Variants in RIF1 observed in about 807,000 individuals in gnomAD.
RIF1 encodes the protein telomere-associated protein RIF1.
RIF1 carries 45 observed loss-of-function variants against 247.1 expected under a neutral mutation model. The observed-to-expected ratio is 0.18, with a 90% CI of 0.14 to 0.23. The LOEUF (loss-of-function observed/expected upper bound fraction) is 0.23. Among genes scored for constraint, RIF1 ranks in the 10% least tolerant of loss-of-function variants. RIF1 has a pLI of 1.00. For synonymous variants in RIF1, 1,087 were observed against 978.8 expected (o/e 1.11, Z -2.06); for missense variants, 2,967 against 2,862.5 (o/e 1.04, Z -0.83).
Position 151,471,832 on chromosome 2 carries a change from C to A in RIF1, c.7095+1968C>A, listed in dbSNP as rs142172785. Among the ~76,000 whole-genome samples the A allele has an allele frequency of 2.3e-3, 356 of 152,150 alleles. 9 individuals carry two copies. The East Asian group carries it at 0.046, about 20-fold the overall frequency. On this transcript the variant is annotated intron_variant, in intron 34 of 35. Coordinates refer to ENST00000444746, the MANE Select transcript of RIF1 (RefSeq NM_018151.5). ...GTCTCCAGCTTTGTCTTTTTTGCTT[C>A]TGATTGACTTGGCAATGCGGGCTCT...
the RIF1 span, among the ~76,000 whole-genome samples, chr2:151,526,414 G>GT: frequency 6.6e-6 from 1 of 152,112 alleles, no homozygotes; most frequent in Admixed American, 6.5e-5. Flanking sequence ...ATTCAAAAGG[G>GT]TTTTTTCCTT....
chr2:151,487,359 A>G (rs981267036), intron 9 of RIF1, among the ~76,000 whole-genome samples: 1 of 152,192 alleles, frequency 6.6e-6, no homozygotes, highest in Admixed American at 6.5e-5. Context: ...TGTAACCTAT[A>G]TGGTTTTTTC....
At chr2:151,507,937 T>G in exon 14 of RIF1, 2 of 1,116,446 alleles carry the variant, frequency 1.8e-6, no homozygotes, top group Non-Finnish European at 2.7e-6. Flanking sequence ...GCCTGGGATA[T>G]CCAGAGGCAT....
chr2:151,531,648 G>A, the RIF1 span: 1 of 675,942 alleles, frequency 1.5e-6, no homozygotes, highest in East Asian at 2.7e-5. Flanking sequence ...GGAGAATCCT[G>A]TGCATAACAG....
rs751491731 is a variant in RIF1 at position 151,451,631 on chromosome 2, T to C, written c.2270T>C (p.Ile757Thr). The change falls in exon 21 of 36, where the codon ATT (isoleucine) becomes ACT (threonine). Residue 757 changes from isoleucine to threonine, a missense_variant. By Grantham distance (89) the Ile-to-Thr change is moderately conservative. Around this residue, in one of 7 missense-constraint regions of RIF1, gnomAD observed 2,028 missense variants for 1,825.6 expected, o/e 1.11. Coordinates refer to ENST00000444746, the MANE Select transcript of RIF1 (RefSeq NM_018151.5). Reference protein sequence around the residue: ...FSNLLFVDRIIYIITVMVDCI... With the variant: ...FSNLLFVDRITYIITVMVDCI... ...AATTTGTTGTTCGTGGATAGAATTA[T>C]TTATATTATTACTGTAATGGTTGAT... 5 of 1,462,402 alleles carry C rather than the reference T, an allele frequency of 3.4e-6. No individual in the cohort carries two copies. In the Admixed American group the frequency reaches 6.7e-5, roughly 20 times the overall value. 90.6% of individuals were successfully genotyped at this position (1,462,402 alleles called of 1,614,324 possible).
chr2:151,468,296 A>T, intron 31 of RIF1, 150 bp downstream of exon 31: 1 of 904,846 alleles, frequency 1.1e-6, no homozygotes, highest in Admixed American at 2.8e-5. Context: ...GCAGAAAGGA[A>T]GAGAAGCAGA....
At chr2:151,530,381 G>GCTCTTCT in the RIF1 span, among the ~76,000 whole-genome samples, 1 of 152,092 alleles carries the variant, frequency 6.6e-6, no homozygotes, top group Non-Finnish European at 1.5e-5. Context: ...AAATTTCAGG[G>GCTCTTCT]TCGAGGGCCT....
chr2:151,452,565 A>G (rs1364158055), intron 21 of RIF1, among the ~76,000 whole-genome samples: 1 of 152,212 alleles, frequency 6.6e-6, no homozygotes, highest in Non-Finnish European at 1.5e-5. Context: ...TAAGCTCCTG[A>G]AGTATATTAT....
chr2:151,445,923 T>C (rs1369922167), intron 19 of RIF1, among the ~76,000 whole-genome samples: 1 of 152,192 alleles, frequency 6.6e-6, no homozygotes, highest in East Asian at 1.9e-4. Flanking sequence ...TTCTTTTGGA[T>C]CTTTGATAAT....
exon 13 of RIF1, chr2:151,506,339 G>A: frequency 9.4e-7 from 1 of 1,059,418 alleles, no homozygotes; most frequent in Non-Finnish European, 1.4e-6. Context: ...AGGACACATG[G>A]CTTTTGTGAA....
At position 151,480,239 on chromosome 2, in the gene RIF1, A is replaced by T. The variant is rs1252179607; in HGVS notation, c.*5168A>T. On this transcript the variant is annotated 3_prime_UTR_variant, in exon 36 of 36. Coordinates refer to ENST00000444746, the MANE Select transcript of RIF1 (RefSeq NM_018151.5). ...TGTTGATGTCACAAGTAAGAAAAAAACTCTAACTTTTGTACTCTACTTGTA... is the reference window on the plus strand; with the variant it reads ...TGTTGATGTCACAAGTAAGAAAAAATCTCTAACTTTTGTACTCTACTTGTA... The T allele has an allele frequency of 1.3e-5, 2 of 152,152 alleles. No homozygotes were observed. Among genetic ancestry groups the T allele is most frequent in the African/African-American group, 4.8e-5 (2 of 41,436 alleles). The allele number at this position is 152,152 out of a possible 1,614,324, so 9.4% of individuals were successfully genotyped here.
intron 34 of RIF1, among the ~76,000 whole-genome samples, chr2:151,471,665 A>C (rs1299838938): frequency 6.6e-6 from 1 of 152,130 alleles, no homozygotes; most frequent in Admixed American, 6.6e-5. Flanking sequence ...GGTTTGTCAA[A>C]GACCAGATGG....
chr2:151,507,130 C>T, intron 13 of RIF1: 1 of 653,756 alleles, frequency 1.5e-6, no homozygotes, highest in Non-Finnish European at 2.6e-6. Flanking sequence ...AGTCTATGCA[C>T]AATAATTATG....
At chr2:151,513,439 T>A in the RIF1 span, 1 of 642,850 alleles carries the variant, frequency 1.6e-6, no homozygotes, top group Non-Finnish European at 2.7e-6. Context: ...TTCATTGGGA[T>A]GGCTTCCTCC....
intron 10 of RIF1, among the ~76,000 whole-genome samples, chr2:151,435,261 T>C (rs1318502579): frequency 6.6e-6 from 1 of 152,222 alleles, no homozygotes; most frequent in Admixed American, 6.5e-5. Flanking sequence ...TAAACAAATT[T>C]AGGTAATACA....
intron 1 of RIF1, 162 bp downstream of exon 1, chr2:151,410,195 G>GGGCCCA (rs1383291092): frequency 2.5e-5 from 16 of 639,686 alleles, no homozygotes; most frequent in Non-Finnish European, 4.2e-5. Flanking sequence ...TGGCGGGAGC[G>GGGCCCA]GGCCCAGGCC....
Position 151,460,074 on chromosome 2 carries a change from G to A in RIF1, c.3030G>A (p.Leu1010=). The A allele has an allele frequency of 6.4e-7, 1 of 1,572,800 alleles. No homozygotes were observed. ...CAAATGGAAAAAGAGATTCATTTTTGGCACAAACAAAGAATAAAAAAGAAA... is the reference window on the plus strand; with the variant it reads ...CAAATGGAAAAAGAGATTCATTTTTAGCACAAACAAAGAATAAAAAAGAAA... ...RKSNGKRDSF[L]AQTKNKKENM... Residue 1010 remains leucine (L), a synonymous_variant, in exon 26 of 36, where the codon TTG becomes TTA. Transcript: ENST00000444746.
chr2:151,519,047 T>A, the RIF1 span: 11 of 1,612,830 alleles, frequency 6.8e-6, no homozygotes, highest in Admixed American at 1.8e-4. Flanking sequence ...GTGAAGTTTC[T>A]TCAGGTCAGC....
the RIF1 span, chr2:151,514,339 A>ATTCT: frequency 6.2e-7 from 1 of 1,613,138 alleles, no homozygotes; most frequent in East Asian, 2.2e-5. Flanking sequence ...TTTGAGTGGC[A>ATTCT]TTCTTTGCTC....
Sources: gnomAD v4.1 joint callset for allele counts (sites outside exome capture counted in the v4.1 genomes callset) on GRCh38, gnomAD v4.1.1 for gene constraint, gnomAD v4.1.1 regional missense constraint, MANE v1.5 for transcripts, NCBI Gene and HGNC (gene_info 2026-07-23, HGNC 2026-07-21) for gene names.